The following TTC3 variants were observed in gnomAD, a reference collection of about 807,000 sequenced individuals.
TTC3 encodes tetratricopeptide repeat domain 3, also known as E3 ubiquitin-protein ligase TTC3.
A neutral mutation model predicts 249.6 loss-of-function variants in TTC3; 180 were observed. That is an observed-to-expected ratio of 0.72 (90% CI 0.64 to 0.82). The LOEUF (loss-of-function observed/expected upper bound fraction) is 0.82, where lower values mean the gene tolerates loss of function less well. Among genes scored for constraint, TTC3 ranks in the 40% least tolerant of loss-of-function variants. TTC3 has a pLI of 0.00. For missense variants in TTC3, 2,061 were observed against 2,398.4 expected (o/e 0.86, Z 2.94); for synonymous variants, 717 against 805.0 (o/e 0.89, Z 1.85).
intron 11 of TTC3, among the ~76,000 whole-genome samples, chr21:37,112,860 A>G (rs940216706): frequency 2.6e-5 from 4 of 152,234 alleles, no homozygotes; most frequent in Non-Finnish European, 5.9e-5. Context: ...AGTGGGCTTC[A>G]TCCCTGGGAT....
intron 27 of TTC3, among the ~76,000 whole-genome samples, chr21:37,155,408 G>C (rs16994772): frequency 0.013 from 1,926 of 152,296 alleles, 43 homozygotes; most frequent in African/African-American, 0.043. Flanking sequence ...GCTCTGACGT[G>C]GATAGGGAAC....
chr21:37,195,679 A>G (rs1481895255), exon 42 of TTC3: 5 of 1,604,396 alleles, frequency 3.1e-6, no homozygotes, highest in Non-Finnish European at 4.3e-6. Context: ...TCACAGGTTC[A>G]TCCCGAGTTA....
intron 43 of TTC3, 75 bp from the exon 44 acceptor site, chr21:37,197,807 A>G: frequency 6.4e-7 from 1 of 1,565,500 alleles, no homozygotes; most frequent in Non-Finnish European, 8.6e-7. Context: ...TACTAAAGAC[A>G]GAAGATGGTC....
rs2078062353 is a variant in TTC3 at position 37,137,507 on chromosome 21, T to C, written c.1579-1127T>C. On this transcript the variant is annotated intron_variant, in intron 18 of 45. Transcript: ENST00000355666. ...AAGCAAGAGAATTAGAAGTGGAGCC[T>C]GAAGATGTGACTGAATTGCTGCAAC... Among the ~76,000 whole-genome samples, 2 of 152,176 alleles carry C rather than the reference T, an allele frequency of 1.3e-5. 1 individual carries two copies. The highest frequency in any genetic ancestry group is 2.9e-5 in the Non-Finnish European group (2 of 68,014).
In TTC3 at chr21:37,201,415, T is replaced by A. The variant is rs137865908; in HGVS notation, c.5944-25T>A. The A allele has an allele frequency of 4.5e-4, 720 of 1,613,124 alleles. No homozygotes were observed. The African/African-American group carries it at 7.0e-3, about 16-fold the overall frequency. On this transcript the variant is annotated intron_variant, in intron 45 of 45. Coordinates refer to ENST00000355666, the Ensembl canonical transcript of TTC3. ...CTTCCTCATGGTCCTGAAGGCATCT[T>A]CTGATTTTGTTTTCTCCTTTTCAGT...
chr21:37,150,093 A>G (rs370501174), exon 24 of TTC3: 20 of 1,609,800 alleles, frequency 1.2e-5, no homozygotes, highest in Non-Finnish European at 1.6e-5. Context: ...TCTACAAGGA[A>G]TATGTCTTAC....
At chr21:37,162,617 GT>G (rs563154002) in intron 31 of TTC3, among the ~76,000 whole-genome samples, 4 of 148,902 alleles carry the variant, frequency 2.7e-5, no homozygotes, top group African/African-American at 4.9e-5. Flanking sequence ...GTACAACATG[GT>G]TTTTTTTTTC....
At chr21:37,179,717 G>A (rs1477161996) in intron 35 of TTC3, among the ~76,000 whole-genome samples, 4 of 151,988 alleles carry the variant, frequency 2.6e-5, no homozygotes, top group African/African-American at 9.7e-5. Context: ...TATTGCCAAG[G>A]TAGAACTCCT....
exon 28 of TTC3, chr21:37,156,705 C>G: frequency 6.2e-7 from 1 of 1,614,060 alleles, no homozygotes. Context: ...ATCTCTTAAA[C>G]TGCTTGATTT....
chr21:37,169,365 T>C (rs976174485), intron 34 of TTC3, among the ~76,000 whole-genome samples: 1 of 151,934 alleles, frequency 6.6e-6, no homozygotes, highest in African/African-American at 2.4e-5. Flanking sequence ...GGCCAACATG[T>C]TGAAACCCCG....
At chr21:37,167,875 T>A (rs2081388796) in intron 34 of TTC3, among the ~76,000 whole-genome samples, 2 of 151,758 alleles carry the variant, frequency 1.3e-5, no homozygotes, top group African/African-American at 4.8e-5. Flanking sequence ...ATTTTTAAAA[T>A]TTTATTTATT....
chr21:37,075,166 C>CTTTTTTTTTTTTTTTTTTTATTTTTTT (rs11418024), intron 1 of TTC3, among the ~76,000 whole-genome samples: 1 of 138,284 alleles, frequency 7.2e-6, no homozygotes. Flanking sequence ...TTGCAACTTG[C>CTTTTTTTTTTTTTTTTTTTATTTTTTT]TTTTTTTTTT....
chr21:37,085,675 G>A (rs2072363501), intron 1 of TTC3: 1 of 152,290 alleles, frequency 6.6e-6, no homozygotes, highest in African/African-American at 2.4e-5. Flanking sequence ...TAGTGAGGTA[G>A]GCAGTGAAGA....
At chr21:37,200,450 C>T (rs1381976979) in intron 45 of TTC3, 126 bp downstream of exon 45, 3 of 1,052,416 alleles carry the variant, frequency 2.9e-6, no homozygotes, top group Non-Finnish European at 4.1e-6. Flanking sequence ...CTTTGCAAAC[C>T]TCCCGTGTCA....
chr21:37,172,380 A>G (rs1313762488), intron 34 of TTC3, among the ~76,000 whole-genome samples: 2 of 152,198 alleles, frequency 1.3e-5, no homozygotes, highest in Non-Finnish European at 2.9e-5. Context: ...AGAATTTATG[A>G]ATTTCAATAA....
intron 1 of TTC3, among the ~76,000 whole-genome samples, chr21:37,085,247 C>T (rs1025989897): frequency 2.6e-5 from 4 of 152,132 alleles, no homozygotes; most frequent in Admixed American, 2.0e-4. Context: ...GCATATACCT[C>T]ATATTATGTG....
At chr21:37,117,747 A>G (rs192822711) in intron 11 of TTC3, among the ~76,000 whole-genome samples, 4 of 151,290 alleles carry the variant, frequency 2.6e-5, no homozygotes, top group Admixed American at 2.0e-4. Flanking sequence ...GCATGTGCCT[A>G]TAATCCCAGC....
Position 37,188,464 on chromosome 21 carries a change from A to G in TTC3, c.4924-31A>G, listed in dbSNP as rs1569177586. 2.6e-6 allele frequency: 4 copies of G among 1,550,952 alleles called. No individual in the cohort carries two copies. The East Asian group carries it at 9.0e-5, about 35-fold the overall frequency. On this transcript the variant is annotated intron_variant, in intron 38 of 45. Coordinates refer to ENST00000355666, the Ensembl canonical transcript of TTC3. ...AATAGTTTCAGGCTGTCATTTGTAA[A>G]ATACTCATATGTCTTCTGATCTACT...
At chr21:37,201,861 G>A in exon 46 of TTC3, 1 of 393,308 alleles carries the variant, frequency 2.5e-6, no homozygotes, top group South Asian at 3.0e-5. Flanking sequence ...AAAGTACTAT[G>A]AACGTCTCGA....
Sources: gnomAD v4.1 joint callset for allele counts (sites outside exome capture counted in the v4.1 genomes callset) on GRCh38, gnomAD v4.1.1 for gene constraint, MANE v1.5 for transcripts, NCBI Gene and HGNC (gene_info 2026-07-23, HGNC 2026-07-21) for gene names.